The following NRXN3 variants were observed in gnomAD, a reference collection of about 807,000 sequenced individuals.
NRXN3 encodes the protein neurexin 3, also known as neurexin III.
Under a neutral mutation model 137.6 loss-of-function variants are expected in NRXN3, and 32 were observed. The observed-to-expected ratio is 0.23, with a 90% CI of 0.18 to 0.31. NRXN3 has a LOEUF of 0.31. NRXN3 is among the 10% of genes least tolerant of loss of function. NRXN3 has a pLI of 1.00. For missense variants in NRXN3, 1,574 were observed against 2,062.5 expected (o/e 0.76, Z 4.59); for synonymous variants, 798 against 784.5 (o/e 1.02, Z -0.29).
intron 4 of NRXN3, among the ~76,000 whole-genome samples, chr14:78,618,905 G>C (rs550007413): frequency 1.3e-5 from 2 of 152,204 alleles, no homozygotes; most frequent in Non-Finnish European, 2.9e-5. Flanking sequence ...GGCATTATTA[G>C]AACTTTAGGA....
At chr14:79,238,342 A>G (rs1568731712) in intron 15 of NRXN3, among the ~76,000 whole-genome samples, 1 of 152,118 alleles carries the variant, frequency 6.6e-6, no homozygotes, top group Admixed American at 6.6e-5. Flanking sequence ...TTGTGTATAC[A>G]TTTAACAGTT....
intron 15 of NRXN3, among the ~76,000 whole-genome samples, chr14:79,374,775 A>G (rs545439104): frequency 3.1e-4 from 47 of 152,244 alleles, no homozygotes; most frequent in African/African-American, 1.0e-3. Flanking sequence ...ACTGATTTAT[A>G]ATTTTACCTA....
intron 10 of NRXN3, among the ~76,000 whole-genome samples, chr14:78,881,584 G>A (rs2099129284): frequency 6.6e-6 from 1 of 151,656 alleles, no homozygotes; most frequent in African/African-American, 2.4e-5. Context: ...ACTTGAGAGA[G>A]ATGATTTAGG....
At chr14:78,927,175 A>C (rs1353024265) in intron 10 of NRXN3, among the ~76,000 whole-genome samples, 1 of 145,582 alleles carries the variant, frequency 6.9e-6, no homozygotes, top group Non-Finnish European at 1.5e-5. Context: ...AGTTTTTTTC[A>C]GAATTCCGAC....
chr14:79,855,271 G>A (rs990679291), intron 20 of NRXN3, among the ~76,000 whole-genome samples: 1 of 152,102 alleles, frequency 6.6e-6, no homozygotes, highest in African/African-American at 2.4e-5. Flanking sequence ...TTGGTAAGAA[G>A]CACTATATAA....
intron 4 of NRXN3, among the ~76,000 whole-genome samples, chr14:78,309,851 G>A (rs1420572045): frequency 6.6e-6 from 1 of 152,068 alleles, no homozygotes; most frequent in African/African-American, 2.4e-5. Context: ...AAAATTTGAA[G>A]GAACTTTTGG....
At chr14:78,977,768 C>T (rs2099473321) in intron 14 of NRXN3, among the ~76,000 whole-genome samples, 2 of 152,164 alleles carry the variant, frequency 1.3e-5, no homozygotes, top group South Asian at 2.1e-4. Flanking sequence ...CAGTGCTGTG[C>T]TAGAGCTGGC....
intron 15 of NRXN3, among the ~76,000 whole-genome samples, chr14:79,205,837 T>C (rs2066705705): frequency 6.6e-6 from 1 of 152,200 alleles, no homozygotes; most frequent in Admixed American, 6.5e-5. Flanking sequence ...TATTTCTCCA[T>C]GTTGCTACAC....
chr14:79,006,524 C>G (rs2099553318), intron 15 of NRXN3, among the ~76,000 whole-genome samples: 1 of 152,024 alleles, frequency 6.6e-6, no homozygotes, highest in African/African-American at 2.4e-5. Flanking sequence ...GAAATTTACT[C>G]CATTTTTAAC....
At chr14:78,316,047 A>T (rs1343807488) in intron 4 of NRXN3, among the ~76,000 whole-genome samples, 3 of 152,156 alleles carry the variant, frequency 2.0e-5, no homozygotes, top group Non-Finnish European at 4.4e-5. Flanking sequence ...ATTGGAATGG[A>T]TGTCAGAGTG....
At chr14:79,820,552 G>T (rs2141024265) in intron 20 of NRXN3, among the ~76,000 whole-genome samples, 1 of 152,140 alleles carries the variant, frequency 6.6e-6, no homozygotes, top group East Asian at 1.9e-4. Flanking sequence ...ACATGTGAAG[G>T]TTTGTTACCT....
At chr14:79,487,908 T>G (rs1248547204) in intron 16 of NRXN3, among the ~76,000 whole-genome samples, 1 of 152,202 alleles carries the variant, frequency 6.6e-6, no homozygotes, top group East Asian at 1.9e-4. Context: ...TTGGGAACTT[T>G]GTATCACAGA....
intron 8 of NRXN3, among the ~76,000 whole-genome samples, chr14:78,786,707 G>A (rs1284849555): frequency 6.6e-6 from 1 of 152,078 alleles, no homozygotes; most frequent in Non-Finnish European, 1.5e-5. Context: ...TTCTGACTAG[G>A]TGACTCAATA....
intron 15 of NRXN3, among the ~76,000 whole-genome samples, chr14:79,150,672 A>T (rs1416234286): frequency 6.6e-6 from 1 of 150,908 alleles, no homozygotes; most frequent in Non-Finnish European, 1.5e-5. Context: ...AAGAGCTGCT[A>T]CTTCTCTGCA....
rs56942111 is a variant in NRXN3, at chr14:79,110,762, T to TTTA, written c.3262+122623_3262+122624insATT. On this transcript the variant is annotated intron_variant, in intron 15 of 20. Coordinates refer to ENST00000335750, the MANE Select transcript of NRXN3 (RefSeq NM_001330195.2). ...GTCTTCTTTCAATGAGAAATTATTA[T>TTTA]TTTATTTATTTATTTATTTATTTAT... 2.3e-3 allele frequency among the ~76,000 whole-genome samples: 320 copies of TTTA among 139,142 alleles called. 2 individuals are homozygous for TTTA. Among genetic ancestry groups the TTTA allele is most frequent in the African/African-American group, 7.9e-3 (295 of 37,510 alleles). The allele number at this position is 139,142 out of a possible 152,430, so 91.3% of individuals were successfully genotyped here.
At chr14:78,272,482 C>T (rs1289016613) in intron 2 of NRXN3, among the ~76,000 whole-genome samples, 1 of 152,194 alleles carries the variant, frequency 6.6e-6, no homozygotes, top group Non-Finnish European at 1.5e-5. Context: ...TCTGTGGACT[C>T]TTCAGTTCCT....
At chr14:79,025,224 C>T (rs539899921) in intron 15 of NRXN3, among the ~76,000 whole-genome samples, 6 of 152,174 alleles carry the variant, frequency 3.9e-5, no homozygotes, top group African/African-American at 1.4e-4. Flanking sequence ...CTGTTCTTTT[C>T]TGTTGGTCCT....
At chr14:79,359,142 C>G (rs1360895873) in intron 15 of NRXN3, among the ~76,000 whole-genome samples, 1 of 152,178 alleles carries the variant, frequency 6.6e-6, no homozygotes, top group Non-Finnish European at 1.5e-5. Context: ...ATGCCTGTTT[C>G]CACCTTCCAA....
At chr14:78,569,505 T>C (rs2096869511) in intron 4 of NRXN3, among the ~76,000 whole-genome samples, 2 of 151,714 alleles carry the variant, frequency 1.3e-5, no homozygotes, top group African/African-American at 2.4e-5. Context: ...GACCTCGTGA[T>C]CCACCCATCT....
Sources: gnomAD v4.1 joint callset for allele counts (sites outside exome capture counted in the v4.1 genomes callset) on GRCh38, gnomAD v4.1.1 for gene constraint, MANE v1.5 for transcripts, NCBI Gene and HGNC (gene_info 2026-07-23, HGNC 2026-07-21) for gene names.